Variants in TAF6 observed in about 807,000 individuals in gnomAD.
TAF6 encodes transcription initiation factor TFIID subunit 6.
In TAF6, 50 loss-of-function variants were observed where a neutral mutation model predicts 73.5. The ratio of observed to expected loss-of-function variants is 0.68; its 90% confidence interval spans 0.54 to 0.86. TAF6 has a LOEUF of 0.86. Among genes scored for constraint, TAF6 ranks in the 40% least tolerant of loss-of-function variants. The pLI is 0.00. For synonymous variants in TAF6, 424 were observed against 376.7 expected, an observed-to-expected ratio of 1.13 and a Z score of -1.45; for missense variants, 768 against 899.5, an observed-to-expected ratio of 0.85 and a Z score of 1.87.
chr7:100,118,199 A>G (rs1358626048), intron 1 of TAF6, among the ~76,000 whole-genome samples: 1 of 152,082 alleles, frequency 6.6e-6, no homozygotes, highest in Non-Finnish European at 1.5e-5. Flanking sequence ...GTAAAAACAC[A>G]AAAATTAACC....
Position 100,107,920 on chromosome 7 carries a change from G to T in TAF6, c.1656+6C>A. The stretch of plus-strand genomic sequence containing the variant: ...CAGATGCTCCCTGTCCCACAGCTCT[G>T]CATACCTGCTGGGTGGATGGGGCGC... On this transcript the variant is annotated splice_donor_region_variant and intron_variant, in intron 14 of 14. Coordinates refer to ENST00000453269, the MANE Select transcript of TAF6 (RefSeq NM_139315.3). 6.2e-7 allele frequency: 1 copy of T among 1,602,858 alleles called. No individual in the cohort carries two copies. The highest frequency in any genetic ancestry group is 8.5e-7 in the Non-Finnish European group (1 of 1,173,368).
At chr7:100,119,458 A>T (rs970265031), upstream of TAF6, 28 of 1,324,366 alleles carry the variant, frequency 2.1e-5, no homozygotes, top group African/African-American at 3.9e-4. Context: ...ATTATATTTT[A>T]AAAGTTTGTT....
chr7:100,122,918 C>G (rs1434860981), upstream of TAF6: 1 of 1,607,632 alleles, frequency 6.2e-7, no homozygotes, highest in Non-Finnish European at 8.5e-7. Flanking sequence ...TAGGATAAGA[C>G]ACTGCACCAT....
chr7:100,108,470 A>C lies in TAF6; in HGVS notation c.1355T>G (p.Phe452Cys), dbSNP rs1796802268. 3.7e-6 allele frequency: 6 copies of C among 1,613,984 alleles called. No individual in the cohort carries two copies. The highest frequency in any genetic ancestry group is 8.5e-7 in the Non-Finnish European group (1 of 1,179,914). The change falls in exon 13 of 15, where the codon TTC becomes TGC. Residue 452 changes from phenylalanine (F) to cysteine (C), a missense_variant. Around this residue, in one of 5 missense-constraint regions of TAF6, gnomAD observed 350 missense variants for 352.3 expected, o/e 0.99. Coordinates refer to ENST00000453269, the MANE Select transcript of TAF6 (RefSeq NM_139315.3). ...GCAGAGGAGGGGCCCAAGGGACCCG[A>C]ATTCTGCCCGATAGGCGTCCTGATT... ...PDNQDAYRAE[F>C]GSLGPLLCSQ...
At chr7:100,124,939 A>G in the TAF6 span, 58 of 1,526,784 alleles carry the variant, frequency 3.8e-5, no homozygotes, top group African/African-American at 7.6e-4. Context: ...GAGCCCTCTA[A>G]AGCCTGCACT....
intron 12 of TAF6, 91 bp from the exon 13 acceptor site, chr7:100,108,631 G>C (rs1796833782): frequency 2.1e-6 from 3 of 1,417,870 alleles, no homozygotes; most frequent in Admixed American, 4.4e-5. Context: ...GAAGAACCTT[G>C]GGGATGGGGT....
At chr7:100,121,349 G>C (rs1271590173), upstream of TAF6, 15 of 151,404 alleles carry the variant, frequency 9.9e-5, 1 homozygote, top group Non-Finnish European at 1.6e-4. Context: ...ATGTTGGCCA[G>C]GATGGTCTCA....
intron 1 of TAF6, among the ~76,000 whole-genome samples, chr7:100,115,842 G>A (rs1797626704): frequency 6.6e-6 from 1 of 151,824 alleles, no homozygotes; most frequent in Admixed American, 6.6e-5. Context: ...GTGGTGGCAC[G>A]CACCTGTAGT....
chr7:100,108,142 AGG>A lies in TAF6; in HGVS notation c.1459-21_1459-20del, dbSNP rs771393316. ...GCCGGGGCTGCGGGGAGAAGAGGAA[AGG>A]GGGAAGTGGCACCATCTACTAAGAA... On this transcript the variant is annotated intron_variant, in intron 13 of 14. Transcript: ENST00000453269. 25 of 1,579,424 alleles carry A rather than the reference AGG, an allele frequency of 1.6e-5. No individual in the cohort carries two copies. The highest frequency in any genetic ancestry group is 1.8e-5 in the Non-Finnish European group (21 of 1,167,086).
In TAF6 at chr7:100,114,204, A is replaced by AGCCATTCTGGAGTCCCTCTTCTCCTCC. The variant is rs1237438813; in HGVS notation, c.-22_5dup (p.Lys5_Lys6insArgAspSerArgMetAlaGluGluLys). ...TGCTAAGCTTCAGCTTCTTCTCCTCAGCCATTCTGGAGTCCCTCTTCTCCT... is the reference window on the plus strand; with the variant it reads ...TGCTAAGCTTCAGCTTCTTCTCCTCAGCCATTCTGGAGTCCCTCTTCTCCTCCGCCATTCTGGAGTCCCTCTTCTCCT... On this transcript the variant is annotated inframe_insertion, in exon 2 of 15. Coordinates refer to ENST00000453269, the MANE Select transcript of TAF6 (RefSeq NM_139315.3). The AGCCATTCTGGAGTCCCTCTTCTCCTCC allele has an allele frequency of 4.3e-6, 7 of 1,614,060 alleles. No individual in the cohort carries two copies. The highest frequency in any genetic ancestry group is 8.5e-7 in the Non-Finnish European group (1 of 1,180,042).
intron 12 of TAF6, 184 bp from the exon 13 acceptor site, chr7:100,108,724 T>C: frequency 3.5e-6 from 2 of 566,938 alleles, no homozygotes; most frequent in Non-Finnish European, 5.9e-6. Flanking sequence ...CAGAACACTG[T>C]GGGCTTTCTC....
Position 100,114,261 on chromosome 7 carries a change from C to T in TAF6, c.-52G>A, listed in dbSNP as rs571860097. On this transcript the variant is annotated 5_prime_UTR_variant, in exon 2 of 15. Coordinates refer to ENST00000453269, the MANE Select transcript of TAF6 (RefSeq NM_139315.3). ...AAGGATGAAGCCCCCGGTGGAGAGA[C>T]GGAGACCCTGGCAGAGGAACGGGGC... The T allele has an allele frequency of 2.7e-5, 44 of 1,613,406 alleles. No homozygotes were observed. In the East Asian group the frequency reaches 6.2e-4, roughly 23 times the overall value.
upstream of TAF6, chr7:100,119,513 G>T: frequency 7.5e-7 from 1 of 1,334,656 alleles, no homozygotes; most frequent in Non-Finnish European, 9.9e-7. Context: ...TGTAATTACT[G>T]CAATTTATTC....
rs148894017 is a variant in TAF6, at chr7:100,110,008, G to C, written c.1224C>G (p.Asp408Glu). 1.2e-6 allele frequency: 2 copies of C among 1,614,170 alleles called. No homozygotes were observed. The highest frequency in any genetic ancestry group is 2.2e-5 in the South Asian group (2 of 91,082). Residue 408 changes from aspartate to glutamate, a missense_variant, in exon 12 of 15, where the codon GAC (aspartate) becomes GAG (glutamate). Physicochemically the swap from Asp to Glu is conservative, Grantham distance 45. Coordinates refer to ENST00000453269, the MANE Select transcript of TAF6 (RefSeq NM_139315.3). ...GGTCAATGTTGCTCAGCACAGGGCC[G>C]TCCAGCACACTGCGGATCCGCTCCC... ...QEGERIRSVL[D>E]GPVLSNIDRI...
chr7:100,109,194 C>T (rs531341564), intron 12 of TAF6, among the ~76,000 whole-genome samples: 70 of 151,756 alleles, frequency 4.6e-4, no homozygotes, highest in South Asian at 2.3e-3. Context: ...CATGGTGGCG[C>T]GTGCCTGTGG....
chr7:100,124,874 C>T, the TAF6 span: 122 of 1,597,728 alleles, frequency 7.6e-5, no homozygotes, highest in Non-Finnish European at 9.8e-5. Context: ...CAAACTTGAC[C>T]GAGAAGATCT....
chr7:100,110,665 G>C (rs1562924849), intron 10 of TAF6, among the ~76,000 whole-genome samples: 1 of 152,212 alleles, frequency 6.6e-6, no homozygotes, highest in Admixed American at 6.5e-5. Context: ...CACAAAATTA[G>C]CTGGGTGTGG....
the TAF6 span, chr7:100,125,156 A>T: frequency 2.5e-6 from 1 of 404,490 alleles, no homozygotes; most frequent in South Asian, 5.2e-5. Flanking sequence ...CAGTACTGAA[A>T]GCTTTCCTCT....
rs1210127898 is a variant in TAF6, at chr7:100,112,002, G to A, written c.721-3C>T. The stretch of plus-strand genomic sequence containing the variant: ...GTGGCAATGCTTTGCAGGGCTTCCT[G>A]TGGGAGGAGGGAAGCCAGTCAGGTG... On this transcript the variant is annotated splice_polypyrimidine_tract_variant and splice_region_variant and intron_variant, in intron 7 of 14. Transcript: ENST00000453269. The A allele has an allele frequency of 6.2e-7, 1 of 1,614,082 alleles. No individual in the cohort carries two copies. Among genetic ancestry groups the A allele is most frequent in the African/African-American group, 1.3e-5 (1 of 75,050 alleles).
Sources: allele counts gnomAD v4.1 joint callset (sites outside exome capture counted in the v4.1 genomes callset), GRCh38; gene constraint gnomAD v4.1.1; regional missense constraint gnomAD v4.1.1; transcripts MANE v1.5; gene names NCBI Gene and HGNC (gene_info 2026-07-23, HGNC 2026-07-21).